TRAF2: variants seen among roughly 807,000 people sequenced by gnomAD.
TRAF2 encodes the protein TNF receptor-associated factor 2.
Under a neutral mutation model 55.6 loss-of-function variants are expected in TRAF2, and 6 were observed. The observed-to-expected ratio is 0.11, with a 90% CI of 0.06 to 0.21. The LOEUF is 0.21. Among genes scored for constraint, TRAF2 ranks in the 10% least tolerant of loss-of-function variants. TRAF2 has a pLI of 1.00. For synonymous variants in TRAF2, 329 were observed against 276.3 expected (o/e 1.19, Z -1.89); for missense variants, 561 against 684.5 (o/e 0.82, Z 2.01).
intron 6 of TRAF2, among the ~76,000 whole-genome samples, chr9:136,913,473 ATT>A (rs1283133517): frequency 6.6e-6 from 1 of 150,688 alleles, no homozygotes; most frequent in Non-Finnish European, 1.5e-5. Flanking sequence ...AATTTTTTGT[ATT>A]TTTAGTAGAG....
intron 6 of TRAF2, 179 bp downstream of exon 6, chr9:136,910,173 G>GC (rs1315101255): frequency 7.5e-6 from 5 of 668,080 alleles, no homozygotes; most frequent in African/African-American, 5.4e-5. Flanking sequence ...TCCTGAGTGG[G>GC]CCGGGGGCCA....
In TRAF2 at chr9:136,920,477, C is replaced by T. The variant is rs754682470; in HGVS notation, c.922C>T (p.Arg308Trp). The change falls in exon 8 of 11, where the codon CGG becomes TGG. Residue 308 changes from arginine (R) to tryptophan (W), a missense_variant. Arg to Trp is a moderately radical substitution (Grantham distance 101). Coordinates refer to ENST00000247668, the MANE Select transcript of TRAF2 (RefSeq NM_021138.4). Reference sequence around the variant, plus strand: ...TGCCGAGGCCTGCAGCCGGCAGCACCGGCTGGACCAAGACAAGATTGAAGC... The same window carrying T: ...TGCCGAGGCCTGCAGCCGGCAGCACTGGCTGGACCAAGACAAGATTGAAGC... ...MTAEACSRQH[R>W]LDQDKIEALS... The T allele has an allele frequency of 9.3e-6, 15 of 1,613,236 alleles. No individual in the cohort carries two copies. Among genetic ancestry groups the T allele is most frequent in the Non-Finnish European group, 1.1e-5 (13 of 1,179,818 alleles).
At chr9:136,892,416 A>T (rs1026521900) in intron 1 of TRAF2, among the ~76,000 whole-genome samples, 1 of 151,722 alleles carries the variant, frequency 6.6e-6, no homozygotes, top group African/African-American at 2.4e-5. Flanking sequence ...GTGAGCCAAG[A>T]TCGCGCCACT....
At chr9:136,886,618 C>G (rs1279251864) in intron 1 of TRAF2, 77 bp downstream of exon 1, 1 of 952,760 alleles carries the variant, frequency 1.0e-6, no homozygotes, top group African/African-American at 1.9e-5. Flanking sequence ...CGGGGTCGGG[C>G]GCAGGCGCGG....
intron 1 of TRAF2, among the ~76,000 whole-genome samples, chr9:136,896,091 GCCCCCC>G (rs574272759): frequency 8.6e-5 from 13 of 151,858 alleles, no homozygotes; most frequent in Non-Finnish European, 1.6e-4. Flanking sequence ...CTAGGAGTGA[GCCCCCC>G]CACCCCCACT....
chr9:136,907,970 C>T (rs1849995626), intron 4 of TRAF2, 100 bp from the exon 5 acceptor site: 9 of 1,470,398 alleles, frequency 6.1e-6, no homozygotes, highest in African/African-American at 4.2e-5. Flanking sequence ...AGCATGCGGA[C>T]ACCAAGCCAG....
upstream of TRAF2, among the ~76,000 whole-genome samples, chr9:136,884,485 G>A (rs1225204075): frequency 6.6e-6 from 1 of 151,988 alleles, no homozygotes; most frequent in Non-Finnish European, 1.5e-5. Flanking sequence ...TCTTGAACCC[G>A]GGAGGCAGAG....
intron 4 of TRAF2, among the ~76,000 whole-genome samples, chr9:136,903,533 T>C (rs1024103672): frequency 6.3e-5 from 5 of 79,034 alleles, no homozygotes; most frequent in Middle Eastern, 5.4e-3. Flanking sequence ...TGAATAAATA[T>C]TGATTTTTTT....
intron 1 of TRAF2, among the ~76,000 whole-genome samples, chr9:136,893,034 C>A (rs1434297690): frequency 2.0e-5 from 3 of 152,186 alleles, no homozygotes; most frequent in Non-Finnish European, 4.4e-5. Flanking sequence ...TAGCACGTCT[C>A]CACATGTCAT....
chr9:136,925,651 C>T (rs1284823810), intron 10 of TRAF2, 32 bp from the exon 11 acceptor site: 9 of 1,608,534 alleles, frequency 5.6e-6, no homozygotes, highest in South Asian at 1.1e-5. Context: ...GCCCACAGAC[C>T]TGTGTCCCCT....
intron 1 of TRAF2, among the ~76,000 whole-genome samples, chr9:136,895,224 G>A (rs146406039): frequency 1.2e-4 from 18 of 152,348 alleles, no homozygotes; most frequent in East Asian, 1.9e-4. Context: ...CCACGCCACC[G>A]TGTCGGGCAC....
chr9:136,920,999 C>A (rs928721733), intron 8 of TRAF2, 39 bp from the exon 9 acceptor site: 5 of 1,609,704 alleles, frequency 3.1e-6, no homozygotes, highest in African/African-American at 1.3e-5. Flanking sequence ...GTGCCCGCAC[C>A]CCTCCTGTAA....
At chr9:136,924,280 T>G (rs1826983121) in intron 10 of TRAF2, among the ~76,000 whole-genome samples, 1 of 151,742 alleles carries the variant, frequency 6.6e-6, no homozygotes, top group African/African-American at 2.4e-5. Context: ...CAAGGCCGAG[T>G]GGGCGGGGAG....
At chr9:136,920,115 C>A in intron 7 of TRAF2, 119 bp from the exon 8 acceptor site, 1 of 1,286,526 alleles carries the variant, frequency 7.8e-7, no homozygotes, top group Non-Finnish European at 1.0e-6. Context: ...CCCAGGCATC[C>A]CTATCTATGA....
intron 6 of TRAF2, among the ~76,000 whole-genome samples, chr9:136,913,295 A>ATTTTTT (rs369765173): frequency 0.027 from 2,362 of 86,996 alleles, 186 homozygotes; most frequent in African/African-American, 0.053. Flanking sequence ...TTATAAAGGA[A>ATTTTTT]TTTTTTTTTT....
intron 1 of TRAF2, among the ~76,000 whole-genome samples, chr9:136,889,219 GTTT>G (rs533626382): frequency 8.1e-6 from 1 of 123,102 alleles, no homozygotes. Context: ...GGTTTTTTCT[GTTT>G]TTTTTTTTTT....
chr9:136,896,510 C>T (rs371969573), intron 1 of TRAF2, among the ~76,000 whole-genome samples: 40 of 152,324 alleles, frequency 2.6e-4, no homozygotes, highest in East Asian at 1.2e-3. Flanking sequence ...GCGTCTGTGC[C>T]GTGGAAGTTC....
At chr9:136,899,522 C>T in intron 2 of TRAF2, 72 bp from the exon 3 acceptor site, 1 of 1,461,232 alleles carries the variant, frequency 6.8e-7, no homozygotes, top group Non-Finnish European at 9.4e-7. Flanking sequence ...GGTTTTTGAA[C>T]TGAAGCAAAT....
intron 4 of TRAF2, among the ~76,000 whole-genome samples, chr9:136,900,868 A>G (rs1043146419): frequency 6.6e-6 from 1 of 152,132 alleles, no homozygotes; most frequent in Non-Finnish European, 1.5e-5. Flanking sequence ...TGGGAATGCC[A>G]TGGTTATCTG....
Sources: gnomAD v4.1 joint callset for allele counts (sites outside exome capture counted in the v4.1 genomes callset) on GRCh38, gnomAD v4.1.1 for gene constraint, MANE v1.5 for transcripts, NCBI Gene and HGNC (gene_info 2026-07-23, HGNC 2026-07-21) for gene names.